Variants in DPP6 observed in about 807,000 individuals in gnomAD.
DPP6 encodes the protein A-type potassium channel modulatory protein DPP6.
Under a neutral mutation model 122.6 loss-of-function variants are expected in DPP6, and 69 were observed. That is an observed-to-expected ratio of 0.56 (90% CI 0.46 to 0.69). The LOEUF is 0.69. Among genes scored for constraint, DPP6 ranks in the 30% least tolerant of loss-of-function variants. The probability of loss-of-function intolerance (pLI) is 0.00; values close to 1 mark genes in which losing one functional copy is unlikely to be tolerated. For synonymous variants in DPP6, 418 were observed against 433.1 expected (o/e 0.97, Z 0.43); for missense variants, 928 against 1,116.9 (o/e 0.83, Z 2.41).
intron 3 of DPP6, among the ~76,000 whole-genome samples, chr7:154,525,624 A>C (rs1827343971): frequency 6.6e-6 from 1 of 152,256 alleles, no homozygotes; most frequent in Admixed American, 6.5e-5. Context: ...CTGTCATATG[A>C]TTATCAGTTT....
At chr7:154,582,173 C>T (rs1586676984) in intron 5 of DPP6, among the ~76,000 whole-genome samples, 3 of 152,292 alleles carry the variant, frequency 2.0e-5, no homozygotes. Flanking sequence ...CTTTGGTAAT[C>T]AAAGGTTTCA....
the DPP6 span, among the ~76,000 whole-genome samples, chr7:153,866,735 C>T: frequency 6.6e-6 from 1 of 152,178 alleles, no homozygotes; most frequent in Non-Finnish European, 1.5e-5. Context: ...ATGCCTATGT[C>T]TTGAATGGTA....
chr7:154,108,474 C>T (rs1188284772), intron 1 of DPP6, among the ~76,000 whole-genome samples: 4 of 152,256 alleles, frequency 2.6e-5, no homozygotes, highest in East Asian at 3.9e-4. Context: ...TGGAGAACAC[C>T]GATGCTCTCC....
intron 8 of DPP6, among the ~76,000 whole-genome samples, chr7:154,764,045 C>T (rs1441231331): frequency 6.6e-6 from 1 of 152,176 alleles, no homozygotes; most frequent in Non-Finnish European, 1.5e-5. Context: ...CGCTCTTCAC[C>T]TCTATGCCCT....
At chr7:154,753,818 A>G (rs1020103233) in intron 8 of DPP6, among the ~76,000 whole-genome samples, 2 of 152,106 alleles carry the variant, frequency 1.3e-5, no homozygotes, top group Admixed American at 1.3e-4. Context: ...CGGCATGCGG[A>G]CATCTGTGAC....
intron 1 of DPP6, among the ~76,000 whole-genome samples, chr7:153,901,951 A>T (rs1799655525): frequency 6.6e-6 from 1 of 152,248 alleles, no homozygotes; most frequent in Non-Finnish European, 1.5e-5. Flanking sequence ...TGTAGCAAAA[A>T]TGTGCTTTGT....
intron 2 of DPP6, 66 bp downstream of exon 2, chr7:154,446,394 AT>A (rs1283057224): frequency 7.2e-6 from 9 of 1,253,278 alleles, no homozygotes; most frequent in Admixed American, 6.5e-5. Flanking sequence ...TTACCTTGCA[AT>A]TTTTTTCTAA....
the DPP6 span, among the ~76,000 whole-genome samples, chr7:153,841,523 A>G: frequency 6.6e-6 from 1 of 152,248 alleles, no homozygotes; most frequent in Non-Finnish European, 1.5e-5. Flanking sequence ...ATTAAAGGGT[A>G]TCTCGGCATT....
chr7:153,963,160 C>T (rs1356525388), intron 1 of DPP6, among the ~76,000 whole-genome samples: 1 of 152,012 alleles, frequency 6.6e-6, no homozygotes, highest in Non-Finnish European at 1.5e-5. Context: ...AAAAGGGAAG[C>T]TAATGTGAGG....
chr7:153,970,868 T>C (rs1200013728), intron 1 of DPP6, among the ~76,000 whole-genome samples: 2 of 152,202 alleles, frequency 1.3e-5, no homozygotes, highest in South Asian at 2.1e-4. Context: ...TTTGCAACAT[T>C]ATTACAGTCT....
intron 1 of DPP6, among the ~76,000 whole-genome samples, chr7:154,199,419 A>T (rs546375508): frequency 6.6e-6 from 1 of 152,182 alleles, no homozygotes; most frequent in South Asian, 2.1e-4. Flanking sequence ...GGTAGGAGTC[A>T]TTTTTTTAGA....
At chr7:154,334,864 C>T (rs1809265847) in intron 1 of DPP6, among the ~76,000 whole-genome samples, 1 of 152,018 alleles carries the variant, frequency 6.6e-6, no homozygotes, top group Non-Finnish European at 1.5e-5. Context: ...CCACTGCACT[C>T]AGACCTGAGC....
intron 1 of DPP6, among the ~76,000 whole-genome samples, chr7:154,148,216 C>CT: frequency 8.5e-6 from 1 of 117,084 alleles, no homozygotes; most frequent in Non-Finnish European, 2.0e-5. Flanking sequence ...GGTCCCCCGT[C>CT]TGACTCACAC....
intron 10 of DPP6, among the ~76,000 whole-genome samples, chr7:154,791,114 T>C (rs1462362715): frequency 6.6e-6 from 1 of 151,974 alleles, no homozygotes; most frequent in Non-Finnish European, 1.5e-5. Flanking sequence ...TAGCCAGGCA[T>C]GGTGGCAGAC....
In DPP6 at chr7:154,700,223, G is replaced by A. The variant is rs567585654; in HGVS notation, c.763-27544G>A. Among the ~76,000 whole-genome samples the A allele has an allele frequency of 2.0e-5, 3 of 152,286 alleles. No individual in the cohort carries two copies. The East Asian group carries it at 5.8e-4, about 29-fold the overall frequency. ...CTATTTTTGGATTCATTGGTACATGGTTCCATTAATCAATAAATATTTAGC... is the reference window on the plus strand; with the variant it reads ...CTATTTTTGGATTCATTGGTACATGATTCCATTAATCAATAAATATTTAGC... On this transcript the variant is annotated intron_variant, in intron 7 of 25. Transcript: ENST00000377770.
intron 2 of DPP6, among the ~76,000 whole-genome samples, chr7:154,472,041 T>C (rs1822321780): frequency 1.3e-5 from 2 of 151,966 alleles, no homozygotes; most frequent in Admixed American, 6.6e-5. Context: ...AAGCCCGAGG[T>C]GTGGGGATTG....
the DPP6 span, among the ~76,000 whole-genome samples, chr7:153,799,689 TC>T: frequency 6.6e-6 from 1 of 151,686 alleles, no homozygotes; most frequent in Non-Finnish European, 1.5e-5. Flanking sequence ...ATTTGCCACT[TC>T]CTCTAAAAAA....
the DPP6 span, among the ~76,000 whole-genome samples, chr7:153,838,352 C>T: frequency 2.0e-4 from 31 of 152,092 alleles, no homozygotes; most frequent in Non-Finnish European, 4.1e-4. Flanking sequence ...GCTAGGCTGT[C>T]CTCTGTGTTT....
intron 5 of DPP6, among the ~76,000 whole-genome samples, chr7:154,583,489 C>A (rs2130682349): frequency 6.6e-6 from 1 of 152,256 alleles, no homozygotes; most frequent in African/African-American, 2.4e-5. Context: ...CAGTCCCACC[C>A]AAGGTCATCT....
Sources: gnomAD v4.1 joint callset for allele counts (sites outside exome capture counted in the v4.1 genomes callset) on GRCh38, gnomAD v4.1.1 for gene constraint, MANE v1.5 for transcripts, NCBI Gene and HGNC (gene_info 2026-07-23, HGNC 2026-07-21) for gene names.